PRDM5: variants seen among roughly 807,000 people sequenced by gnomAD.
The protein encoded by PRDM5 is PR/SET domain 5, also known as PR domain zinc finger protein 5.
A neutral mutation model predicts 81.2 loss-of-function variants in PRDM5; 56 were observed. That is an observed-to-expected ratio of 0.69 (90% CI 0.56 to 0.86). PRDM5 has a LOEUF of 0.86. Ranked by LOEUF, PRDM5 falls within the 40% of genes least tolerant of loss-of-function variation. The pLI is 0.00. For synonymous variants in PRDM5, 267 were observed against 256.4 expected (o/e 1.04, Z -0.39); for missense variants, 697 against 770.1 (o/e 0.91, Z 1.12).
rs141219032 is a variant in PRDM5 at position 120,800,124 on chromosome 4, A to G, written c.946-379T>C. ...AATATTCCCTTTACAGTAGCCAACA[A>G]TATTTTAAACTTAAATGTACATAGT... On this transcript the variant is annotated intron_variant, in intron 8 of 15. Coordinates refer to ENST00000264808, the MANE Select transcript of PRDM5 (RefSeq NM_018699.4). Among the ~76,000 whole-genome samples the G allele has an allele frequency of 2.0e-5, 3 of 152,344 alleles. No homozygotes were observed. In the East Asian group the frequency reaches 5.8e-4, roughly 29 times the overall value.
intron 2 of PRDM5, among the ~76,000 whole-genome samples, chr4:120,898,138 G>T (rs1187470133): frequency 6.6e-6 from 1 of 152,164 alleles, no homozygotes; most frequent in African/African-American, 2.4e-5. Flanking sequence ...GGAGTGAGGT[G>T]ATTCACAGCT....
intron 8 of PRDM5, among the ~76,000 whole-genome samples, chr4:120,806,520 A>C (rs950533986): frequency 2.0e-5 from 3 of 152,228 alleles, no homozygotes; most frequent in Admixed American, 6.5e-5. Context: ...AATGGAACAG[A>C]ACAGAGGCCT....
At chr4:120,806,902 G>A (rs1258701355) in intron 8 of PRDM5, among the ~76,000 whole-genome samples, 13 of 152,116 alleles carry the variant, frequency 8.5e-5, no homozygotes, top group Non-Finnish European at 1.8e-4. Flanking sequence ...TACCATCAGA[G>A]CGAACAGGCA....
intron 8 of PRDM5, among the ~76,000 whole-genome samples, chr4:120,802,894 C>A (rs1269393094): frequency 4.6e-5 from 7 of 151,930 alleles, no homozygotes; most frequent in African/African-American, 1.7e-4. Context: ...AGGCTTCAGA[C>A]GATCAAACTT....
rs1402843991 is a variant in PRDM5 at position 120,811,837 on chromosome 4, T to C, written c.866-388A>G. Among the ~76,000 whole-genome samples, 5 of 152,162 alleles carry C rather than the reference T, an allele frequency of 3.3e-5. No individual in the cohort carries two copies. In the South Asian group the frequency reaches 8.3e-4, roughly 25 times the overall value. ...ATGTGTAATAATCACATCAGGGTAA[T>C]TGGGGTACCTATCACCTCAAGCATC... On this transcript the variant is annotated intron_variant, in intron 7 of 15. Coordinates refer to ENST00000264808, the MANE Select transcript of PRDM5 (RefSeq NM_018699.4).
intron 14 of PRDM5, among the ~76,000 whole-genome samples, chr4:120,726,380 T>C (rs1328685526): frequency 1.3e-5 from 2 of 152,212 alleles, no homozygotes; most frequent in Non-Finnish European, 1.5e-5. Context: ...AATCATTCCT[T>C]TGCATGCTTA....
chr4:120,824,182 G>A (rs1755654620), intron 3 of PRDM5, among the ~76,000 whole-genome samples: 1 of 152,174 alleles, frequency 6.6e-6, no homozygotes, highest in Non-Finnish European at 1.5e-5. Context: ...TAAGACAAGG[G>A]TGTTGCCCCA....
In PRDM5 at chr4:120,839,373, G is replaced by A. The variant is rs531958921; in HGVS notation, c.300+14045C>T. 1.8e-4 allele frequency: 124 copies of A among 687,330 alleles called. 2 individuals are homozygous for A. The African/African-American group carries it at 1.9e-3, about 11-fold the overall frequency. The allele number at this position is 687,330 out of a possible 1,614,324, so 42.6% of individuals were successfully genotyped here. A position where few individuals can be genotyped will look rare whatever the true frequency, so the allele number is the denominator to read the frequency against. On this transcript the variant is annotated intron_variant, in intron 3 of 15. Transcript: ENST00000264808. ...AGAACAGCTCAGAGGAAACCTGCAG[G>A]TTTTCTTTCCACAGGCAGGGTATAC...
At chr4:120,725,936 G>C (rs578104327) in intron 14 of PRDM5, among the ~76,000 whole-genome samples, 1 of 152,044 alleles carries the variant, frequency 6.6e-6, no homozygotes, top group South Asian at 2.1e-4. Context: ...TCACAGTCTA[G>C]CATCCCACTG....
chr4:120,750,728 A>G (rs906680896), intron 14 of PRDM5, among the ~76,000 whole-genome samples: 14 of 149,984 alleles, frequency 9.3e-5, no homozygotes, highest in Non-Finnish European at 1.8e-4. Context: ...ACGCGCACAC[A>G]AAACAGACAT....
At chr4:120,821,104 C>T in intron 4 of PRDM5, 67 bp downstream of exon 4, 1 of 1,534,022 alleles carries the variant, frequency 6.5e-7, no homozygotes, top group South Asian at 1.1e-5. Context: ...ATAATTCAAC[C>T]ACAGTTTAAA....
rs548493047 is a variant in PRDM5, at chr4:120,722,294, G to A, written c.1624-11881C>T. 1.8e-4 allele frequency among the ~76,000 whole-genome samples: 27 copies of A among 152,254 alleles called. No individual in the cohort carries two copies. In the South Asian group the frequency reaches 5.6e-3, roughly 32 times the overall value. ...ATTTAGCGTAGTCATGACCCTGACA[G>A]TTACACAATCAGAGAGAGCAGAACA... On this transcript the variant is annotated intron_variant, in intron 14 of 15. Coordinates refer to ENST00000264808, the MANE Select transcript of PRDM5 (RefSeq NM_018699.4).
intron 14 of PRDM5, among the ~76,000 whole-genome samples, chr4:120,746,898 T>C (rs1285297662): frequency 6.7e-6 from 1 of 150,326 alleles, no homozygotes; most frequent in Non-Finnish European, 1.5e-5. Flanking sequence ...GATCTAGAAC[T>C]AGAAATACCA....
chr4:120,849,492 TC>T (rs761566811), intron 3 of PRDM5, among the ~76,000 whole-genome samples: 5 of 152,138 alleles, frequency 3.3e-5, no homozygotes, highest in Non-Finnish European at 7.4e-5. Flanking sequence ...CATCCTCACA[TC>T]CTGACACCCC....
intron 2 of PRDM5, among the ~76,000 whole-genome samples, chr4:120,904,270 A>G (rs1285093662): frequency 6.6e-6 from 1 of 150,472 alleles, no homozygotes; most frequent in Admixed American, 6.7e-5. Flanking sequence ...CAGCATGACA[A>G]CAGACTAATA....
chr4:120,745,524 T>A (rs1340901871), intron 14 of PRDM5, among the ~76,000 whole-genome samples: 2 of 150,910 alleles, frequency 1.3e-5, no homozygotes, highest in Middle Eastern at 3.2e-3. Context: ...ATTGTATATC[T>A]AGAAAACCCC....
Position 120,816,525 on chromosome 4 carries a change from T to C in PRDM5, c.793A>G (p.Lys265Glu), listed in dbSNP as rs1437198195. The C allele has an allele frequency of 1.1e-5, 17 of 1,614,050 alleles. No homozygotes were observed. Among genetic ancestry groups the C allele is most frequent in the Admixed American group, 1.7e-5 (1 of 59,978 alleles). Residue 265 changes from lysine to glutamate, a missense_variant, in exon 7 of 16, where the codon AAG (lysine) becomes GAG (glutamate). Transcript: ENST00000264808. ...TCRGDARFVCKADSCGKRLKS... is the reference protein window; with the variant it reads ...TCRGDARFVCEADSCGKRLKS... ...AGCCTCTTTCCACAGCTGTCAGCCT[T>C]GCACACAAACCTGGCATCCCCCCGG...
intron 14 of PRDM5, among the ~76,000 whole-genome samples, chr4:120,727,998 C>T (rs1332912397): frequency 6.6e-6 from 1 of 151,772 alleles, no homozygotes; most frequent in Non-Finnish European, 1.5e-5. Flanking sequence ...AGATCACTGT[C>T]AGTTTTCTGT....
chr4:120,827,071 A>G (rs1756090904), intron 3 of PRDM5, among the ~76,000 whole-genome samples: 1 of 152,184 alleles, frequency 6.6e-6, no homozygotes, highest in Non-Finnish European at 1.5e-5. Context: ...GTCATTCATA[A>G]TCCCCAACCA....
Sources: allele counts gnomAD v4.1 joint callset (sites outside exome capture counted in the v4.1 genomes callset), GRCh38; gene constraint gnomAD v4.1.1; transcripts MANE v1.5; gene names NCBI Gene and HGNC (gene_info 2026-07-23, HGNC 2026-07-21).